Variants in SYTL5 observed in about 807,000 individuals in gnomAD.
The protein encoded by SYTL5 is synaptotagmin like 5, also known as synaptotagmin-like protein 5.
Under a neutral mutation model 55.9 loss-of-function variants are expected in SYTL5, and 34 were observed. The observed-to-expected ratio is 0.61, with a 90% CI of 0.46 to 0.81. The LOEUF (loss-of-function observed/expected upper bound fraction) is 0.81, where lower values mean the gene tolerates loss of function less well. SYTL5 is among the 30% of genes least tolerant of loss of function. The pLI is 0.00. For synonymous variants in SYTL5, 221 were observed against 188.7 expected (o/e 1.17, Z -1.40); for missense variants, 637 against 546.7 (o/e 1.17, Z -1.65).
intron 10 of SYTL5, among the ~76,000 whole-genome samples, chrX:38,102,705 G>A (rs1937113362): frequency 9.0e-6 from 1 of 110,912 alleles, no homozygotes; most frequent in Non-Finnish European, 1.9e-5. Context: ...GTCAGCTCAA[G>A]CCTATAAATT....
chrX:37,981,937 G>T, the SYTL5 span, among the ~76,000 whole-genome samples: 1 of 111,631 alleles, frequency 9.0e-6, no homozygotes, highest in African/African-American at 3.3e-5. Flanking sequence ...AAAACAGTAA[G>T]TACTTAGAGG....
the SYTL5 span, among the ~76,000 whole-genome samples, chrX:37,931,455 G>A: frequency 2.7e-5 from 3 of 111,746 alleles, no homozygotes. Context: ...CTTCTGAAAT[G>A]TTAGCCCTTC....
intron 1 of SYTL5, among the ~76,000 whole-genome samples, chrX:38,028,875 T>C (rs185317152): frequency 1.6e-3 from 177 of 111,805 alleles, no homozygotes; most frequent in African/African-American, 5.5e-3. Context: ...AGTCAAAAGA[T>C]ATGATTGACA....
chrX:37,985,311 TTGTC>T, the SYTL5 span, among the ~76,000 whole-genome samples: 1 of 111,844 alleles, frequency 8.9e-6, no homozygotes, highest in African/African-American at 3.2e-5. Flanking sequence ...TAAAAATCAA[TTGTC>T]TGAGTTACGA....
chrX:38,080,250 A>G (rs1489602787), intron 6 of SYTL5, among the ~76,000 whole-genome samples: 1 of 112,030 alleles, frequency 8.9e-6, no homozygotes, highest in East Asian at 2.8e-4. Flanking sequence ...GAGTAAAACT[A>G]GAACTTTGAA....
At chrX:38,113,159 C>T (rs751893740) in intron 13 of SYTL5, among the ~76,000 whole-genome samples, 5 of 112,072 alleles carry the variant, frequency 4.5e-5, no homozygotes, top group African/African-American at 9.7e-5. Flanking sequence ...CACAGTATAA[C>T]TTCCATTTTA....
chrX:38,013,163 CAG>C (rs1934241819), intron 1 of SYTL5, among the ~76,000 whole-genome samples: 1 of 112,508 alleles, frequency 8.9e-6, no homozygotes, highest in Admixed American at 9.4e-5. Flanking sequence ...TTGACTGTTA[CAG>C]AGTTTGAGCT....
intron 6 of SYTL5, among the ~76,000 whole-genome samples, chrX:38,083,000 C>A (rs1936572200): frequency 8.9e-6 from 1 of 111,889 alleles, no homozygotes. Context: ...AAGAGGTTGG[C>A]AATTCTGAAC....
At chrX:38,026,019 A>C (rs1448176860) in intron 1 of SYTL5, among the ~76,000 whole-genome samples, 1 of 112,788 alleles carries the variant, frequency 8.9e-6, no homozygotes, top group African/African-American at 3.2e-5. Context: ...TATAATCAAA[A>C]GTGTCTGGAA....
the SYTL5 span, among the ~76,000 whole-genome samples, chrX:37,900,035 T>C: frequency 8.9e-6 from 1 of 112,264 alleles, no homozygotes; most frequent in Non-Finnish European, 1.9e-5. Flanking sequence ...GAGTTGTGCT[T>C]GTCCGTATAG....
the SYTL5 span, among the ~76,000 whole-genome samples, chrX:37,891,679 A>G: frequency 1.0e-4 from 11 of 110,360 alleles, no homozygotes; most frequent in African/African-American, 3.3e-4. Context: ...GTGTGTGTGT[A>G]TGTGTGTATG....
At chrX:37,989,233 T>C in the SYTL5 span, among the ~76,000 whole-genome samples, 1 of 111,943 alleles carries the variant, frequency 8.9e-6, no homozygotes, top group Non-Finnish European at 1.9e-5. Context: ...TGGGATTTTC[T>C]ATGAGGGATC....
chrX:37,972,353 A>G, the SYTL5 span, among the ~76,000 whole-genome samples: 1 of 111,245 alleles, frequency 9.0e-6, no homozygotes, highest in Non-Finnish European at 1.9e-5. Context: ...TTAAACAACA[A>G]CTTCCTAGGA....
At chrX:37,979,412 A>T in the SYTL5 span, among the ~76,000 whole-genome samples, 1 of 106,646 alleles carries the variant, frequency 9.4e-6, no homozygotes, top group African/African-American at 3.4e-5. Flanking sequence ...TCTGAACAAA[A>T]GGAAAGACAG....
chrX:37,934,510 G>GA, the SYTL5 span, among the ~76,000 whole-genome samples: 295 of 99,004 alleles, frequency 3.0e-3, no homozygotes, highest in Middle Eastern at 0.016. Flanking sequence ...CTGAGGAGCA[G>GA]AAAAAAAAAA....
At chrX:38,037,788 TGATAGATA>T (rs3067489) in intron 2 of SYTL5, among the ~76,000 whole-genome samples, 2,152 of 82,408 alleles carry the variant, frequency 0.026, 20 homozygotes, top group East Asian at 0.092. Flanking sequence ...AACATTTTTC[TGATAGATA>T]GATAGATAGA....
At chrX:37,991,318 T>C in the SYTL5 span, 13 of 1,034,847 alleles carry the variant, frequency 1.3e-5, no homozygotes. Context: ...TCCATGAGTA[T>C]GTTTCTGACT....
At chrX:38,024,620 C>T (rs1484888457) in intron 1 of SYTL5, among the ~76,000 whole-genome samples, 5 of 111,391 alleles carry the variant, frequency 4.5e-5, no homozygotes, top group African/African-American at 6.5e-5. Flanking sequence ...GAATTACTTA[C>T]CAGTTGACCT....
At chrX:38,076,930 T>C (rs755091976) in intron 6 of SYTL5, among the ~76,000 whole-genome samples, 3 of 112,072 alleles carry the variant, frequency 2.7e-5, no homozygotes, top group African/African-American at 9.7e-5. Context: ...TGAAACTTTA[T>C]ATTCTGGCAC....
Sources: allele counts gnomAD v4.1 joint callset (sites outside exome capture counted in the v4.1 genomes callset), GRCh38; gene constraint gnomAD v4.1.1; transcripts MANE v1.5; gene names NCBI Gene and HGNC (gene_info 2026-07-23, HGNC 2026-07-21).